Variants in DYNC2LI1 observed in about 807,000 individuals in gnomAD.
DYNC2LI1 encodes dynein cytoplasmic 2 light intermediate chain 1, also known as cytoplasmic dynein 2 light intermediate chain 1.
In DYNC2LI1, 45 loss-of-function variants were observed where a neutral mutation model predicts 51.9. The observed-to-expected ratio is 0.87, with a 90% CI of 0.68 to 1.11. DYNC2LI1 has a LOEUF of 1.11. Ranked by LOEUF, DYNC2LI1 falls within the 50% of genes most tolerant of loss-of-function variation. The pLI, the probability that DYNC2LI1 is intolerant of heterozygous loss-of-function variation, is 0.00. For synonymous variants in DYNC2LI1, 130 were observed against 137.8 expected (o/e 0.94, Z 0.40); for missense variants, 490 against 417.4 (o/e 1.17, Z -1.51).
chr2:43,802,217 T>C (rs1431955542), intron 10 of DYNC2LI1, among the ~76,000 whole-genome samples: 3 of 152,142 alleles, frequency 2.0e-5, no homozygotes, highest in African/African-American at 7.2e-5. Context: ...TCATAGACTC[T>C]ATAGGCTTCT....
At position 43,801,417 on chromosome 2, in the gene DYNC2LI1, G is replaced by A. The variant is rs549983849; in HGVS notation, c.732-222G>A. The A allele has an allele frequency of 4.6e-4, 161 of 346,672 alleles. 2 individuals carry two copies. The South Asian group carries it at 1.0e-2, about 22-fold the overall frequency. 21.5% of individuals were successfully genotyped at this position (346,672 alleles called of 1,614,324 possible). A position where few individuals can be genotyped will look rare whatever the true frequency, so the allele number is the denominator to read the frequency against. On this transcript the variant is annotated intron_variant, in intron 9 of 12. Coordinates refer to ENST00000260605, the MANE Select transcript of DYNC2LI1 (RefSeq NM_016008.4). Reference sequence around the variant, plus strand: ...GCTACTTCTCTTGGTTTTGATTTAAGGTAATAGGGTCTGTCACTTTTTTTC... The same window carrying A: ...GCTACTTCTCTTGGTTTTGATTTAAAGTAATAGGGTCTGTCACTTTTTTTC...
chr2:43,818,683 G>A, the DYNC2LI1 span, among the ~76,000 whole-genome samples: 1 of 152,140 alleles, frequency 6.6e-6, no homozygotes, highest in South Asian at 2.1e-4. Context: ...ATCCACTTAA[G>A]CAACACGGAC....
chr2:43,792,748 C>G, intron 5 of DYNC2LI1: 1 of 1,546,380 alleles, frequency 6.5e-7, no homozygotes, highest in Non-Finnish European at 8.7e-7. Context: ...TAAATGAAAT[C>G]ATTCATTATT....
downstream of DYNC2LI1, among the ~76,000 whole-genome samples, chr2:43,813,844 T>C (rs532231334): frequency 1.3e-5 from 2 of 150,978 alleles, no homozygotes; most frequent in Non-Finnish European, 3.0e-5. Flanking sequence ...CAGCCTCCTG[T>C]GTAGCTGGGA....
chr2:43,810,023 G>T (rs1221349999), downstream of DYNC2LI1: 3 of 982,056 alleles, frequency 3.1e-6, no homozygotes, highest in East Asian at 1.4e-4. Flanking sequence ...TGTTTAAGTG[G>T]TATATACTCA....
the DYNC2LI1 span, chr2:43,824,095 C>T: frequency 1.2e-6 from 2 of 1,614,220 alleles, no homozygotes; most frequent in East Asian, 2.2e-5. Context: ...CAGCTTATTT[C>T]TCACCAAGTT....
At chr2:43,787,922 A>G (rs571943378) in intron 4 of DYNC2LI1, among the ~76,000 whole-genome samples, 84 of 152,316 alleles carry the variant, frequency 5.5e-4, no homozygotes, top group Middle Eastern at 3.4e-3. Context: ...ACTTAGTCCA[A>G]ATATTTCCTC....
chr2:43,781,288 G>A (rs1673267313), intron 2 of DYNC2LI1, among the ~76,000 whole-genome samples: 1 of 151,376 alleles, frequency 6.6e-6, no homozygotes, highest in Admixed American at 6.6e-5. Context: ...AGAATCACTT[G>A]AACCCAGAGG....
In DYNC2LI1 at chr2:43,791,879, T is replaced by C. The variant is rs115041440; in HGVS notation, c.320+2158T>C. On this transcript the variant is annotated intron_variant, in intron 5 of 12. Transcript: ENST00000260605. ...TTTTAGGAGTTTATGTAAAAAAATT[T>C]TTTGGCTATCATTTGCTATGAAATA... is the stretch of plus-strand genomic sequence containing the variant. Among the ~76,000 whole-genome samples, 934 of 152,322 alleles carry C rather than the reference T, an allele frequency of 6.1e-3. 15 individuals are homozygous for C. The highest frequency in any genetic ancestry group is 0.021 in the African/African-American group (883 of 41,570).
the DYNC2LI1 span, chr2:43,826,243 T>C: frequency 7.8e-7 from 1 of 1,278,118 alleles, no homozygotes; most frequent in South Asian, 1.3e-5. Flanking sequence ...CAAGTGCTCC[T>C]CCTGCCTCAG....
At chr2:43,810,570 C>G, downstream of DYNC2LI1, 1 of 950,252 alleles carries the variant, frequency 1.1e-6, no homozygotes, top group Non-Finnish European at 1.3e-6. Context: ...CTATGTTCTT[C>G]CATGTCCACA....
intron 3 of DYNC2LI1, among the ~76,000 whole-genome samples, chr2:43,784,526 G>A (rs145750062): frequency 0.022 from 3,282 of 151,790 alleles, 80 homozygotes; most frequent in African/African-American, 0.062. Context: ...TGCAACCTCC[G>A]CCTCCTGGGT....
intron 3 of DYNC2LI1, among the ~76,000 whole-genome samples, chr2:43,785,028 TG>T (rs2104674286): frequency 6.6e-6 from 1 of 152,328 alleles, no homozygotes; most frequent in South Asian, 2.1e-4. Flanking sequence ...CCGGGTGCAG[TG>T]GCTCATGCCT....
intron 8 of DYNC2LI1, among the ~76,000 whole-genome samples, chr2:43,799,447 ACT>A (rs1275688635): frequency 6.6e-6 from 1 of 152,172 alleles, no homozygotes; most frequent in Admixed American, 6.5e-5. Flanking sequence ...AAATGTGATA[ACT>A]CTCTAATATA....
chr2:43,802,266 C>T (rs903785640), intron 10 of DYNC2LI1, among the ~76,000 whole-genome samples: 12 of 152,068 alleles, frequency 7.9e-5, no homozygotes, highest in Non-Finnish European at 1.5e-4. Flanking sequence ...TCTCAAGGCC[C>T]TTACCTTCCC....
intron 2 of DYNC2LI1, among the ~76,000 whole-genome samples, chr2:43,780,241 T>C (rs1673215113): frequency 6.6e-6 from 1 of 152,180 alleles, no homozygotes; most frequent in South Asian, 2.1e-4. Flanking sequence ...ACTGGAAAGC[T>C]TCAAGATGTA....
At chr2:43,828,333 A>AT in the DYNC2LI1 span, 6 of 652,674 alleles carry the variant, frequency 9.2e-6, no homozygotes, top group Admixed American at 2.7e-5. Context: ...AATAATATGA[A>AT]TTTTTTAAAA....
the DYNC2LI1 span, chr2:43,822,891 G>A: frequency 1.2e-6 from 2 of 1,614,104 alleles, no homozygotes; most frequent in South Asian, 1.1e-5. Flanking sequence ...TTCTGGTAGA[G>A]GCCGTCCTGA....
intron 2 of DYNC2LI1, among the ~76,000 whole-genome samples, chr2:43,781,315 C>G (rs935582197): frequency 6.6e-6 from 1 of 150,728 alleles, no homozygotes; most frequent in African/African-American, 2.4e-5. Flanking sequence ...TTTCATGAGC[C>G]AAGATGGTGC....
Sources: allele counts gnomAD v4.1 joint callset (sites outside exome capture counted in the v4.1 genomes callset), GRCh38; gene constraint gnomAD v4.1.1; transcripts MANE v1.5; gene names NCBI Gene and HGNC (gene_info 2026-07-23, HGNC 2026-07-21).